MGA: variants seen among roughly 807,000 people sequenced by gnomAD.
MGA encodes MAX dimerization protein MGA.
A neutral mutation model predicts 261.1 loss-of-function variants in MGA; 40 were observed. The observed-to-expected ratio is 0.15, with a 90% CI of 0.12 to 0.20. The LOEUF is 0.20. MGA is among the 10% of genes least tolerant of loss of function. The pLI is 1.00. For missense variants in MGA, 3,397 were observed against 3,630.5 expected (o/e 0.94, Z 1.65); for synonymous variants, 1,302 against 1,290.6 (o/e 1.01, Z -0.19).
At chr15:41,708,714 T>C (rs2060236605) in intron 7 of MGA, among the ~76,000 whole-genome samples, 1 of 152,230 alleles carries the variant, frequency 6.6e-6, no homozygotes, top group African/African-American at 2.4e-5. Context: ...TCAGTCAGGC[T>C]TAAATAATTG....
In MGA at chr15:41,696,618, TCTCAGA is replaced by T. The variant is rs1400710368; in HGVS notation, c.1609_1614del (p.Leu537_Arg538del). ...ATGGTCTTAGAAAACATTCACCAGA[TCTCAGA>T]GTGGTACAAAAATATCCCTTACTGA... is the stretch of plus-strand genomic sequence containing the variant. On this transcript the variant is annotated inframe_deletion, in exon 3 of 24. Coordinates refer to ENST00000219905, the MANE Select transcript of MGA (RefSeq NM_001164273.2). The T allele has an allele frequency of 6.2e-7, 1 of 1,613,794 alleles. No homozygotes were observed. The highest frequency in any genetic ancestry group is 1.1e-5 in the South Asian group (1 of 91,044).
At chr15:41,744,701 C>T (rs2062339421) in intron 15 of MGA, among the ~76,000 whole-genome samples, 1 of 152,196 alleles carries the variant, frequency 6.6e-6, no homozygotes, top group Admixed American at 6.5e-5. Flanking sequence ...TTTCTGTACT[C>T]TTAATTCTTT....
intron 2 of MGA, among the ~76,000 whole-genome samples, chr15:41,679,318 A>G (rs1282095049): frequency 6.6e-6 from 1 of 152,136 alleles, no homozygotes; most frequent in Non-Finnish European, 1.5e-5. Context: ...TACAGGGATT[A>G]TAGGCATGAG....
chr15:41,719,355 A>C (rs1478957751), intron 9 of MGA, among the ~76,000 whole-genome samples: 1 of 152,178 alleles, frequency 6.6e-6, no homozygotes, highest in Non-Finnish European at 1.5e-5. Flanking sequence ...TCCAATCAAA[A>C]TCCTAACAGG....
intron 1 of MGA, among the ~76,000 whole-genome samples, chr15:41,648,161 A>C (rs773059479): frequency 3.3e-5 from 5 of 152,242 alleles, no homozygotes; most frequent in Non-Finnish European, 5.9e-5. Context: ...CCTGACCTGA[A>C]TATGCAGTGA....
chr15:41,693,091 C>T (rs960314503), intron 2 of MGA, among the ~76,000 whole-genome samples: 6 of 152,158 alleles, frequency 3.9e-5, no homozygotes, highest in Non-Finnish European at 7.4e-5. Context: ...CTGCCTGCCT[C>T]GGCCTCCCAA....
chr15:41,766,326 T>C lies in MGA; in HGVS notation c.8244T>C (p.Ser2748=), dbSNP rs558151367. The stretch of plus-strand genomic sequence containing the variant: ...AAGAGTTCTTACCTAAAAAGATTTC[T>C]GGTGATATGAGAGGGATTCAGTATA... The change falls in exon 24 of 24, where the codon TCT becomes TCC. Residue 2748 remains serine (S), a synonymous_variant. Coordinates refer to ENST00000219905, the MANE Select transcript of MGA (RefSeq NM_001164273.2). 1.2e-6 allele frequency: 2 copies of C among 1,613,780 alleles called. No individual in the cohort carries two copies. Among genetic ancestry groups the C allele is most frequent in the African/African-American group, 2.7e-5 (2 of 74,926 alleles).
chr15:41,676,937 C>A (rs999453510), intron 2 of MGA, among the ~76,000 whole-genome samples: 1 of 152,184 alleles, frequency 6.6e-6, no homozygotes, highest in Non-Finnish European at 1.5e-5. Context: ...TGCTTTCCCC[C>A]CCAAAATCCC....
Position 41,750,482 on chromosome 15 carries a change from G to C in MGA, c.6875G>C (p.Ser2292Thr), listed in dbSNP as rs369394208. The C allele has an allele frequency of 1.7e-5, 27 of 1,613,854 alleles. No individual in the cohort carries two copies. Among genetic ancestry groups the C allele is most frequent in the Non-Finnish European group, 2.3e-5 (27 of 1,179,884 alleles). ...AAGCAAGAGAAGAAGGGTGGGAGAAGCAGTGCTGACTTCACTGTTTTGGAT... is the reference window on the plus strand; with the variant it reads ...AAGCAAGAGAAGAAGGGTGGGAGAACCAGTGCTGACTTCACTGTTTTGGAT... The change falls in exon 17 of 24, where the codon AGC (serine) becomes ACC (threonine). Residue 2292 changes from serine (S) to threonine (T), a missense_variant. Physicochemically the swap from Ser to Thr is moderately conservative, Grantham distance 58. Coordinates refer to ENST00000219905, the MANE Select transcript of MGA (RefSeq NM_001164273.2).
At chr15:41,680,710 A>G (rs1417162618) in intron 2 of MGA, among the ~76,000 whole-genome samples, 2 of 152,208 alleles carry the variant, frequency 1.3e-5, no homozygotes, top group African/African-American at 4.8e-5. Context: ...CAGAGCTTCC[A>G]TGCCCTCTCC....
chr15:41,648,924 A>G (rs932221577), intron 1 of MGA, among the ~76,000 whole-genome samples: 3 of 152,134 alleles, frequency 2.0e-5, no homozygotes, highest in African/African-American at 7.2e-5. Context: ...GAGAGAGAGA[A>G]AAAAGAAAAG....
At chr15:41,639,398 T>G (rs2056777159) in intron 1 of MGA, among the ~76,000 whole-genome samples, 1 of 152,032 alleles carries the variant, frequency 6.6e-6, no homozygotes, top group South Asian at 2.1e-4. Flanking sequence ...GTCATTCCTA[T>G]TTAACTAAAC....
chr15:41,767,175 A>G lies in MGA; in HGVS notation c.9093A>G (p.Thr3031=). Residue 3031 remains threonine (T), a synonymous_variant, in exon 24 of 24, where the codon ACA becomes ACG. Coordinates refer to ENST00000219905, the MANE Select transcript of MGA (RefSeq NM_001164273.2). ...CAGTTGGACACAAAATGAACTTAAC[A>G]GGGAATGACCAGGAAGGCCGGGAAA... The G allele has an allele frequency of 1.2e-6, 2 of 1,614,042 alleles. No individual in the cohort carries two copies. The highest frequency in any genetic ancestry group is 2.2e-5 in the East Asian group (1 of 44,882).
rs1223268602 is a variant in MGA, at chr15:41,748,672, G to C, written c.5248G>C (p.Val1750Leu). ...TCAAATTCCAGTGGCTACTCCACAG[G>C]TCTCTCCTAACACAGTGAAACGTGC... Residue 1750 changes from valine (V) to leucine (L), a missense_variant, in exon 16 of 24, where the codon GTC (valine) becomes CTC (leucine). Transcript: ENST00000219905. 2 of 1,613,568 alleles carry C rather than the reference G, an allele frequency of 1.2e-6. No homozygotes were observed. Among genetic ancestry groups the C allele is most frequent in the African/African-American group, 2.7e-5 (2 of 74,856 alleles).
intron 2 of MGA, chr15:41,684,468 T>A: frequency 4.8e-6 from 2 of 418,822 alleles, no homozygotes; most frequent in South Asian, 1.7e-5. Flanking sequence ...GTGAAATTTT[T>A]TCCCCAAGGC....
intron 2 of MGA, among the ~76,000 whole-genome samples, chr15:41,687,642 T>A (rs1190934011): frequency 1.3e-5 from 2 of 152,196 alleles, no homozygotes; most frequent in Non-Finnish European, 2.9e-5. Context: ...GTTGATAAGT[T>A]TGTTACTGAT....
At chr15:41,691,235 A>G (rs2059269889) in intron 2 of MGA, among the ~76,000 whole-genome samples, 1 of 152,050 alleles carries the variant, frequency 6.6e-6, no homozygotes, top group African/African-American at 2.4e-5. Flanking sequence ...ATAGTTTTCC[A>G]TGTATAAGTC....
At chr15:41,686,282 G>A (rs930157535) in intron 2 of MGA, among the ~76,000 whole-genome samples, 5 of 152,106 alleles carry the variant, frequency 3.3e-5, no homozygotes, top group Non-Finnish European at 7.4e-5. Context: ...GGAGGCCGAG[G>A]TAGGAGGATC....
chr15:41,713,582 C>A (rs963128291), intron 9 of MGA, 86 bp downstream of exon 9: 13 of 1,387,870 alleles, frequency 9.4e-6, no homozygotes, highest in Admixed American at 5.6e-5. Flanking sequence ...CTACCTTAAT[C>A]CCGATCAATT....
Sources: allele counts gnomAD v4.1 joint callset (sites outside exome capture counted in the v4.1 genomes callset), GRCh38; gene constraint gnomAD v4.1.1; transcripts MANE v1.5; gene names NCBI Gene and HGNC (gene_info 2026-07-23, HGNC 2026-07-21).